Variants in VPS13B observed in about 807,000 individuals in gnomAD.
VPS13B encodes vacuolar protein sorting 13 homolog B, also known as intermembrane lipid transfer protein VPS13B.
In VPS13B, 285 loss-of-function variants were observed where a neutral mutation model predicts 426.4. The ratio of observed to expected loss-of-function variants is 0.67; its 90% CI spans 0.61 to 0.74. The LOEUF (loss-of-function observed/expected upper bound fraction) is 0.74. Among genes scored for constraint, VPS13B ranks in the 30% least tolerant of loss-of-function variants. The pLI is 0.00. For synonymous variants in VPS13B, 1,676 were observed against 1,676.4 expected (o/e 1.00, Z 0.01); for missense variants, 4,537 against 4,782.6 (o/e 0.95, Z 1.51).
intron 3 of VPS13B, among the ~76,000 whole-genome samples, chr8:99,076,923 A>G (rs979054414): frequency 6.6e-6 from 1 of 151,604 alleles, no homozygotes; most frequent in South Asian, 2.1e-4. Context: ...TGTTTTATAT[A>G]TCCTTTGTTC....
intron 3 of VPS13B, among the ~76,000 whole-genome samples, chr8:99,090,421 C>A (rs1846079705): frequency 6.6e-6 from 1 of 152,058 alleles, no homozygotes; most frequent in African/African-American, 2.4e-5. Context: ...GTGCAAAGCA[C>A]CACGCCCAGC....
At chr8:99,234,501 G>T in intron 17 of VPS13B, 1 of 532,502 alleles carries the variant, frequency 1.9e-6, no homozygotes, top group East Asian at 5.2e-5. Context: ...CACGCCGGTA[G>T]GGAAGGGGCT....
chr8:99,875,831 G>C lies in VPS13B; in HGVS notation c.*165G>C. On this transcript the variant is annotated 3_prime_UTR_variant, in exon 62 of 62. Transcript: ENST00000357162. ...GACTGCAAGCACCTGCCACCATAAA[G>C]GGCTGCATTTTGCCACCATAAAGGG... 1 of 878,088 alleles carries C rather than the reference G, an allele frequency of 1.1e-6. No individual in the cohort carries two copies. Among genetic ancestry groups the C allele is most frequent in the Non-Finnish European group, 1.7e-6 (1 of 576,474 alleles). The allele number at this position is 878,088 out of a possible 1,614,324, so 54.4% of individuals were successfully genotyped here. A position where few individuals can be genotyped will look rare whatever the true frequency, so the allele number is the denominator to read the frequency against.
At chr8:99,715,486 T>C (rs1319084325) in intron 36 of VPS13B, among the ~76,000 whole-genome samples, 3 of 152,158 alleles carry the variant, frequency 2.0e-5, no homozygotes, top group African/African-American at 7.2e-5. Context: ...GTTTTAGAAA[T>C]TTGTCAAAGG....
At chr8:99,635,472 G>T (rs967928425) in intron 33 of VPS13B, among the ~76,000 whole-genome samples, 1 of 152,030 alleles carries the variant, frequency 6.6e-6, no homozygotes, top group Non-Finnish European at 1.5e-5. Flanking sequence ...GAAGTTAGAA[G>T]AAATTTTGGA....
intron 17 of VPS13B, among the ~76,000 whole-genome samples, chr8:99,216,234 T>G (rs1423169682): frequency 6.6e-6 from 1 of 152,180 alleles, no homozygotes; most frequent in Non-Finnish European, 1.5e-5. Flanking sequence ...TTCTGGACTT[T>G]AAATACAACA....
At chr8:99,590,858 G>T (rs987125117) in intron 33 of VPS13B, among the ~76,000 whole-genome samples, 2 of 152,160 alleles carry the variant, frequency 1.3e-5, no homozygotes, top group African/African-American at 4.8e-5. Flanking sequence ...AGGTCTGCTT[G>T]TTGCAGAGCT....
intron 17 of VPS13B, among the ~76,000 whole-genome samples, chr8:99,195,674 C>T (rs1021770586): frequency 4.3e-4 from 66 of 152,278 alleles, no homozygotes; most frequent in African/African-American, 1.4e-3. Flanking sequence ...TAAGTTTCTT[C>T]TAGTAGATTT....
chr8:99,673,090 C>CT (rs1167409825), intron 35 of VPS13B, among the ~76,000 whole-genome samples: 1 of 151,904 alleles, frequency 6.6e-6, no homozygotes, highest in Non-Finnish European at 1.5e-5. Context: ...CTGAAGTTTT[C>CT]TTTTTTTAGC....
At chr8:99,106,748 G>C (rs975098497) in intron 5 of VPS13B, among the ~76,000 whole-genome samples, 4 of 152,110 alleles carry the variant, frequency 2.6e-5, no homozygotes, top group Non-Finnish European at 5.9e-5. Flanking sequence ...AATTTATTCA[G>C]GTTTTCGTCT....
intron 3 of VPS13B, among the ~76,000 whole-genome samples, chr8:99,042,983 T>C (rs1175029948): frequency 6.6e-6 from 1 of 152,216 alleles, no homozygotes; most frequent in Non-Finnish European, 1.5e-5. Context: ...CTGTTTTGAT[T>C]TGAATGTCTA....
chr8:99,788,706 A>T (rs769251229), intron 43 of VPS13B, among the ~76,000 whole-genome samples: 2 of 152,194 alleles, frequency 1.3e-5, no homozygotes, highest in Non-Finnish European at 2.9e-5. Flanking sequence ...TATAATTTTC[A>T]AACATCACAA....
At chr8:99,333,426 T>C (rs1455414047) in intron 19 of VPS13B, among the ~76,000 whole-genome samples, 1 of 151,862 alleles carries the variant, frequency 6.6e-6, no homozygotes, top group Non-Finnish European at 1.5e-5. Flanking sequence ...GATAACATCT[T>C]ACAAAATTAT....
At chr8:99,774,349 A>G (rs1416414819) in intron 40 of VPS13B, among the ~76,000 whole-genome samples, 1 of 152,208 alleles carries the variant, frequency 6.6e-6, no homozygotes, top group African/African-American at 2.4e-5. Context: ...TTTATGATTC[A>G]GGAGCTACTG....
At position 99,192,980 on chromosome 8, in the gene VPS13B, A is replaced by G. The variant is rs146195479; in HGVS notation, c.2438A>G (p.Gln813Arg). The G allele has an allele frequency of 1.2e-5, 20 of 1,613,612 alleles. No homozygotes were observed. The highest frequency in any genetic ancestry group is 1.7e-5 in the Non-Finnish European group (20 of 1,179,826). Residue 813 changes from glutamine to arginine, a missense_variant, in exon 17 of 62, where the codon CAA becomes CGA. This residue lies in a region of VPS13B where 4,311 missense variants were observed against 4,474.3 expected (regional missense o/e 0.96). Transcript: ENST00000357162. ...ACACTTCTCTTGCAAGCAATATATCAAAGTTGGTCTCATCTTGGAAATGTC... is the reference window on the plus strand; with the variant it reads ...ACACTTCTCTTGCAAGCAATATATCGAAGTTGGTCTCATCTTGGAAATGTC... The part of the protein sequence containing the change: ...AQTLLLQAIY[Q>R]SWSHLGNVSS...
intron 17 of VPS13B, chr8:99,233,380 C>A (rs1588160435): frequency 9.3e-7 from 1 of 1,071,814 alleles, no homozygotes; most frequent in East Asian, 2.4e-5. Context: ...GAAGATCCGT[C>A]CCTGGGCCTT....
At chr8:99,429,073 T>C (rs1362760277) in intron 21 of VPS13B, among the ~76,000 whole-genome samples, 1 of 152,072 alleles carries the variant, frequency 6.6e-6, no homozygotes, top group African/African-American at 2.4e-5. Flanking sequence ...AGGTGGGAAT[T>C]GAACAATGAG....
At chr8:99,850,469 G>T in intron 55 of VPS13B, among the ~76,000 whole-genome samples, 1 of 152,052 alleles carries the variant, frequency 6.6e-6, no homozygotes, top group Non-Finnish European at 1.5e-5. Context: ...CTCAAAATTG[G>T]TAACAGATGT....
chr8:99,665,058 C>T (rs1044340101), intron 35 of VPS13B, among the ~76,000 whole-genome samples: 3 of 152,314 alleles, frequency 2.0e-5, no homozygotes, highest in Admixed American at 2.0e-4. Flanking sequence ...TTGCATTTCT[C>T]TGATGGCCAA....
Sources: allele counts gnomAD v4.1 joint callset (sites outside exome capture counted in the v4.1 genomes callset), GRCh38; gene constraint gnomAD v4.1.1; regional missense constraint gnomAD v4.1.1; transcripts MANE v1.5; gene names NCBI Gene and HGNC (gene_info 2026-07-23, HGNC 2026-07-21).